CACNA1E: variants seen among roughly 807,000 people sequenced by gnomAD.
CACNA1E encodes the protein calcium voltage-gated channel subunit alpha1 E.
Under a neutral mutation model 259.2 loss-of-function variants are expected in CACNA1E, and 40 were observed. The ratio of observed to expected loss-of-function variants is 0.15; its 90% CI spans 0.12 to 0.20. The LOEUF (loss-of-function observed/expected upper bound fraction) is 0.20. Ranked by LOEUF, CACNA1E falls within the 10% of genes least tolerant of loss-of-function variation. The pLI, the probability that CACNA1E is intolerant of heterozygous loss-of-function variation, is 1.00. For synonymous variants in CACNA1E, 1,104 were observed against 1,138.5 expected (o/e 0.97, Z 0.61); for missense variants, 1,874 against 3,040.1 (o/e 0.62, Z 9.02).
chr1:181,701,831 A>C (rs1652289675), intron 7 of CACNA1E, among the ~76,000 whole-genome samples: 1 of 152,250 alleles, frequency 6.6e-6, no homozygotes, highest in Non-Finnish European at 1.5e-5. Context: ...GAAATAGTGT[A>C]GCATCCAAGA....
At chr1:181,543,115 C>A (rs988946158) in intron 3 of CACNA1E, among the ~76,000 whole-genome samples, 11 of 151,990 alleles carry the variant, frequency 7.2e-5, no homozygotes, top group Non-Finnish European at 1.5e-4. Flanking sequence ...GATTCTCAGA[C>A]TTATGCCTAC....
intron 1 of CACNA1E, among the ~76,000 whole-genome samples, chr1:181,508,123 A>G (rs1185348028): frequency 6.7e-6 from 1 of 150,202 alleles, no homozygotes; most frequent in East Asian, 2.0e-4. Flanking sequence ...AGTTTGGGAA[A>G]TGTTGTGTGC....
chr1:181,376,198 C>A (rs1204542510), intron 1 of CACNA1E, among the ~76,000 whole-genome samples: 1 of 152,148 alleles, frequency 6.6e-6, no homozygotes, highest in Non-Finnish European at 1.5e-5. Context: ...CGAGAGTGGG[C>A]ATGGGGTTTG....
chr1:181,320,808 C>T (rs957476858), intron 1 of CACNA1E, among the ~76,000 whole-genome samples: 2 of 152,270 alleles, frequency 1.3e-5, no homozygotes, highest in Admixed American at 6.5e-5. Context: ...ACTCATGTTA[C>T]CCCCGTTTTT....
At chr1:181,700,728 T>G (rs908140443) in intron 7 of CACNA1E, among the ~76,000 whole-genome samples, 1 of 152,182 alleles carries the variant, frequency 6.6e-6, no homozygotes, top group African/African-American at 2.4e-5. Flanking sequence ...TTAATGACTG[T>G]GTGAATCAAA....
intron 6 of CACNA1E, among the ~76,000 whole-genome samples, chr1:181,618,993 G>C (rs1655477901): frequency 6.6e-6 from 1 of 152,092 alleles, no homozygotes; most frequent in Non-Finnish European, 1.5e-5. Context: ...TTAGATGAGG[G>C]TTCATTCATA....
intron 1 of CACNA1E, among the ~76,000 whole-genome samples, chr1:181,331,820 C>T (rs534849406): frequency 6.6e-6 from 1 of 152,178 alleles, no homozygotes; most frequent in Admixed American, 6.5e-5. Flanking sequence ...TCTCCTAGCA[C>T]TATTTATTAA....
intron 1 of CACNA1E, among the ~76,000 whole-genome samples, chr1:181,503,629 A>G (rs892300350): frequency 9.2e-5 from 14 of 152,214 alleles, no homozygotes; most frequent in African/African-American, 1.7e-4. Context: ...TGCTTTCCCC[A>G]AAGTATTGAG....
chr1:181,443,246 GA>G (rs1297403569), intron 2 of CACNA1E, among the ~76,000 whole-genome samples: 1 of 152,240 alleles, frequency 6.6e-6, no homozygotes, highest in Non-Finnish European at 1.5e-5. Context: ...AATACCAGAT[GA>G]AAGTAAGGTG....
chr1:181,732,238 A>G lies in CACNA1E; in HGVS notation c.2298-146A>G. The G allele has an allele frequency of 7.8e-7, 1 of 1,277,280 alleles. No individual in the cohort carries two copies. Among genetic ancestry groups the G allele is most frequent in the South Asian group, 2.0e-5 (1 of 50,642 alleles). 79.1% of individuals were successfully genotyped at this position (1,277,280 alleles called of 1,614,324 possible). The stretch of plus-strand genomic sequence containing the variant: ...CACGTGTGGCCCGCCTGCTCCTCGC[A>G]TCTTTCTGTGCTTCCTGTCTGCAGG... On this transcript the variant is annotated intron_variant, in intron 19 of 47. Transcript: ENST00000367573. The surrounding 1 kb of genome is among the most constrained non-coding windows in gnomAD (Gnocchi z 5.5).
chr1:181,590,416 AATAT>A (rs67459960), intron 6 of CACNA1E, among the ~76,000 whole-genome samples: 11 of 115,884 alleles, frequency 9.5e-5, no homozygotes, highest in East Asian at 4.5e-4. Flanking sequence ...AAAAAAAAAA[AATAT>A]ATATATATAT....
chr1:181,497,357 G>A (rs1218204568), intron 1 of CACNA1E, among the ~76,000 whole-genome samples: 2 of 152,160 alleles, frequency 1.3e-5, no homozygotes, highest in African/African-American at 2.4e-5. Flanking sequence ...AAAAGGCTGG[G>A]TGCAGAACAA....
At chr1:181,554,329 T>G (rs951367069) in intron 3 of CACNA1E, among the ~76,000 whole-genome samples, 4 of 152,182 alleles carry the variant, frequency 2.6e-5, no homozygotes, top group African/African-American at 9.7e-5. Flanking sequence ...TTAGTTGTTA[T>G]TCAGTAATCC....
chr1:181,608,775 C>G (rs945217903), intron 6 of CACNA1E, among the ~76,000 whole-genome samples: 5 of 152,344 alleles, frequency 3.3e-5, no homozygotes, highest in African/African-American at 1.2e-4. Context: ...CCGTGCTTTT[C>G]TGTTCTTTTC....
chr1:181,485,305 C>A lies in CACNA1E; in HGVS notation c.266+1295C>A, dbSNP rs1663706974. Among the ~76,000 whole-genome samples the A allele has an allele frequency of 6.6e-6, 1 of 152,172 alleles. No individual in the cohort carries two copies. The highest frequency in any genetic ancestry group is 2.1e-4 in the South Asian group (1 of 4,832). ...GACACGCGGCTCATTTCCCCCAGGG[C>A]CTGGGCATCTCCCTACTCCCCCAAC... On this transcript the variant is annotated intron_variant, in intron 1 of 47. Coordinates refer to ENST00000367573, the MANE Select transcript of CACNA1E (RefSeq NM_001205293.3). The surrounding 1 kb of genome is among the most constrained non-coding windows in gnomAD (Gnocchi z 4.2).
At chr1:181,747,669 T>C (rs1215830552) in intron 25 of CACNA1E, among the ~76,000 whole-genome samples, 1 of 152,240 alleles carries the variant, frequency 6.6e-6, no homozygotes, top group Non-Finnish European at 1.5e-5. Context: ...TATAATTTAG[T>C]ATCAGAGACT....
intron 2 of CACNA1E, among the ~76,000 whole-genome samples, chr1:181,457,876 G>T (rs1661559845): frequency 6.6e-6 from 1 of 152,208 alleles, no homozygotes; most frequent in African/African-American, 2.4e-5. Context: ...TATGGGACAG[G>T]ATCGTCCCTC....
At chr1:181,791,192 C>T (rs1404737945) in intron 44 of CACNA1E, among the ~76,000 whole-genome samples, 1 of 152,240 alleles carries the variant, frequency 6.6e-6, no homozygotes, top group East Asian at 1.9e-4. Context: ...AAATTCCTGG[C>T]TGGGTGCGGT....
At chr1:181,608,964 C>A (rs1654488198) in intron 6 of CACNA1E, among the ~76,000 whole-genome samples, 1 of 152,220 alleles carries the variant, frequency 6.6e-6, no homozygotes. Flanking sequence ...TCTGCCACAG[C>A]CTGGGCCACA....
Sources: allele counts gnomAD v4.1 joint callset (sites outside exome capture counted in the v4.1 genomes callset), GRCh38; gene constraint gnomAD v4.1.1; non-coding constraint Gnocchi (gnomAD v3.1); transcripts MANE v1.5; gene names NCBI Gene and HGNC (gene_info 2026-07-23, HGNC 2026-07-21).